FGF13: variants seen among roughly 807,000 people sequenced by gnomAD.
FGF13 encodes the protein fibroblast growth factor 13, also known as fibroblast growth factor homologous factor 2.
Under a neutral mutation model 19.5 loss-of-function variants are expected in FGF13, and 2 were observed. That is an observed-to-expected ratio of 0.10 (90% CI 0.04 to 0.32). The LOEUF (loss-of-function observed/expected upper bound fraction) is 0.32. FGF13 is among the 10% of genes least tolerant of loss of function. FGF13 has a pLI of 1.00. For missense variants in FGF13, 113 were observed against 192.7 expected (o/e 0.59, Z 2.45); for synonymous variants, 72 against 76.9 (o/e 0.94, Z 0.33).
rs770512073 is a variant in FGF13, at chrX:139,023,554, A to G, written c.-112-158904T>C. 2.0e-4 allele frequency among the ~76,000 whole-genome samples: 22 copies of G among 111,587 alleles called. 1 individual carries two copies. Among genetic ancestry groups the G allele is most frequent in the African/African-American group, 6.8e-4 (21 of 30,876 alleles). ...ATTACATTTCTAAGAATGCATCTTA[A>G]GTAATCATAAATGTATGCAAGATTA... is the stretch of plus-strand genomic sequence containing the variant. On this transcript the variant is annotated intron_variant, in intron 1 of 2. Transcript: ENST00000421460.
At chrX:138,940,651 C>G (rs1448259946) in intron 1 of FGF13, among the ~76,000 whole-genome samples, 1 of 111,768 alleles carries the variant, frequency 8.9e-6, no homozygotes, top group Non-Finnish European at 1.9e-5. Flanking sequence ...CTCCCTGTGG[C>G]TAGCCAGTTA....
chrX:138,867,349 T>A (rs2091331638), intron 1 of FGF13, among the ~76,000 whole-genome samples: 1 of 110,728 alleles, frequency 9.0e-6, no homozygotes, highest in African/African-American at 3.3e-5. Flanking sequence ...AGCCCACGAG[T>A]TCGAGGCTGC....
chrX:138,987,786 TA>T (rs1262140074), intron 1 of FGF13, among the ~76,000 whole-genome samples: 4 of 112,047 alleles, frequency 3.6e-5, no homozygotes, highest in African/African-American at 1.3e-4. Context: ...CTTTTGGCTA[TA>T]AAATACATGT....
At chrX:138,882,564 T>A (rs115472263) in intron 1 of FGF13, among the ~76,000 whole-genome samples, 11,456 of 111,527 alleles carry the variant, frequency 0.1, 1,433 homozygotes, top group African/African-American at 0.35. Context: ...CTCCCCACTA[T>A]GTAAGCTGTT....
At chrX:138,653,164 A>G (rs1245741410) in intron 3 of FGF13, among the ~76,000 whole-genome samples, 4 of 111,856 alleles carry the variant, frequency 3.6e-5, no homozygotes, top group Non-Finnish European at 5.6e-5. Flanking sequence ...GGCTGAGCAC[A>G]TACCGTACAG....
In FGF13 at chrX:138,666,145, G is replaced by A. The variant is rs6635710; in HGVS notation, c.403-30490C>T. On this transcript the variant is annotated intron_variant, in intron 3 of 4. Coordinates refer to ENST00000315930, the MANE Select transcript of FGF13 (RefSeq NM_004114.5). ...CAAAATGTTCAAATGCTGAATGATG[G>A]TAGTCTAGACTCTCTAAACTGTCCA... Among the ~76,000 whole-genome samples the A allele has an allele frequency of 4.5e-5, 5 of 111,008 alleles. No homozygotes were observed. In the East Asian group the frequency reaches 1.4e-3, roughly 32 times the overall value.
chrX:139,147,052 G>A (rs1051119572), intron 1 of FGF13, among the ~76,000 whole-genome samples: 1 of 109,410 alleles, frequency 9.1e-6, no homozygotes, highest in African/African-American at 3.3e-5. Flanking sequence ...CATCAACATG[G>A]CACATGTATA....
chrX:138,777,854 G>A (rs1158587978), intron 3 of FGF13, among the ~76,000 whole-genome samples: 9 of 108,686 alleles, frequency 8.3e-5, no homozygotes, highest in African/African-American at 2.4e-4. Flanking sequence ...AAATGTCCAG[G>A]ACACAAACAA....
chrX:138,919,202 T>C (rs891156382), intron 1 of FGF13, among the ~76,000 whole-genome samples: 3 of 111,497 alleles, frequency 2.7e-5, no homozygotes, highest in Non-Finnish European at 5.7e-5. Context: ...ACAACATTTG[T>C]GGTATATTTA....
At chrX:139,060,533 C>A (rs1319133223) in intron 1 of FGF13, among the ~76,000 whole-genome samples, 1 of 111,877 alleles carries the variant, frequency 8.9e-6, no homozygotes, top group Non-Finnish European at 1.9e-5. Context: ...AATGTGTTCA[C>A]AGACTGCTTT....
intron 1 of FGF13, among the ~76,000 whole-genome samples, chrX:138,864,937 C>G (rs150063046): frequency 0.015 from 1,660 of 111,787 alleles, 21 homozygotes; most frequent in Middle Eastern, 0.032. Context: ...CATAAACGTT[C>G]ATGTCCAAGT....
chrX:139,033,438 C>T (rs1223361366), intron 1 of FGF13, among the ~76,000 whole-genome samples: 1 of 111,379 alleles, frequency 9.0e-6, no homozygotes, highest in East Asian at 2.8e-4. Flanking sequence ...AGAATTTTCA[C>T]CAGGTTAGTA....
chrX:139,003,864 G>C (rs1332861413), intron 1 of FGF13, among the ~76,000 whole-genome samples: 1 of 111,816 alleles, frequency 8.9e-6, no homozygotes, highest in African/African-American at 3.3e-5. Flanking sequence ...CACAAACCTT[G>C]AGCTAAACAC....
intron 3 of FGF13, among the ~76,000 whole-genome samples, chrX:138,671,243 G>A (rs772476177): frequency 1.8e-5 from 2 of 111,049 alleles, no homozygotes; most frequent in African/African-American, 3.3e-5. Flanking sequence ...GCTGAATTAC[G>A]TCTCTGCTTC....
At chrX:138,703,188 A>G (rs2089964269) in intron 2 of FGF13, 101 bp from the exon 3 acceptor site, 2 of 609,347 alleles carry the variant, frequency 3.3e-6, no homozygotes, top group Non-Finnish European at 5.5e-6. Context: ...AGTAGTGTGT[A>G]GTTGGTGAGG....
intron 1 of FGF13, among the ~76,000 whole-genome samples, chrX:139,043,987 G>A (rs1209842760): frequency 1.8e-5 from 2 of 111,514 alleles, no homozygotes; most frequent in African/African-American, 6.6e-5. Context: ...TGCAGGGGGA[G>A]GTAATTGTTT....
intron 1 of FGF13, among the ~76,000 whole-genome samples, chrX:139,077,898 G>A (rs1254451172): frequency 8.9e-6 from 1 of 111,784 alleles, no homozygotes; most frequent in African/African-American, 3.3e-5. Flanking sequence ...GAGGCTAGGA[G>A]AAAATAAATG....
chrX:138,962,181 G>T (rs1290159967), intron 1 of FGF13, among the ~76,000 whole-genome samples: 1 of 111,996 alleles, frequency 8.9e-6, no homozygotes, highest in Admixed American at 9.4e-5. Flanking sequence ...AAAAGTGGGC[G>T]AAGGATATGA....
intron 1 of FGF13, among the ~76,000 whole-genome samples, chrX:138,725,493 G>T (rs927709931): frequency 1.2e-4 from 13 of 111,136 alleles, no homozygotes; most frequent in Non-Finnish European, 2.3e-4. Context: ...AGTCAAAATG[G>T]GTCAAGAACA....
Sources: allele counts gnomAD v4.1 joint callset (sites outside exome capture counted in the v4.1 genomes callset), GRCh38; gene constraint gnomAD v4.1.1; transcripts MANE v1.5; gene names NCBI Gene and HGNC (gene_info 2026-07-23, HGNC 2026-07-21).